Variants in WNT7A observed in about 807,000 individuals in gnomAD.
The protein encoded by WNT7A is Wnt family member 7A, also known as protein Wnt-7a.
In WNT7A, 16 loss-of-function variants were observed where a neutral mutation model predicts 28.2. The ratio of observed to expected loss-of-function variants is 0.57; its 90% confidence interval spans 0.38 to 0.86. The LOEUF (loss-of-function observed/expected upper bound fraction) is 0.86. Ranked by LOEUF, WNT7A falls within the 40% of genes least tolerant of loss-of-function variation. The pLI, the probability that WNT7A is intolerant of heterozygous loss-of-function variation, is 0.00. For missense variants in WNT7A, 411 were observed against 489.7 expected (o/e 0.84, Z 1.52); for synonymous variants, 190 against 195.9 (o/e 0.97, Z 0.25).
chr3:13,854,346 T>C (rs935047154), intron 3 of WNT7A, among the ~76,000 whole-genome samples, 186 bp downstream of exon 3: 2 of 152,140 alleles, frequency 1.3e-5, no homozygotes, highest in Non-Finnish European at 2.9e-5. Flanking sequence ...ACCTCTTCAG[T>C]AACTGACAAG....
intron 2 of WNT7A, among the ~76,000 whole-genome samples, chr3:13,861,643 C>T (rs545440509): frequency 1.2e-4 from 18 of 152,286 alleles, no homozygotes; most frequent in Middle Eastern, 3.4e-3. Flanking sequence ...TGAGTGATGG[C>T]CCTGGTGTGG....
intron 2 of WNT7A, among the ~76,000 whole-genome samples, chr3:13,857,405 C>G (rs1022198321): frequency 1.3e-5 from 2 of 152,144 alleles, no homozygotes; most frequent in Non-Finnish European, 2.9e-5. Context: ...AAACGGCAGA[C>G]AGACAGGAAA....
intron 3 of WNT7A, among the ~76,000 whole-genome samples, chr3:13,850,305 A>G (rs1238831557): frequency 6.6e-6 from 1 of 152,184 alleles, no homozygotes; most frequent in Admixed American, 6.5e-5. Flanking sequence ...TCGGGACAGC[A>G]GAGAGGAGCA....
chr3:13,865,677 C>G (rs1456328041), intron 2 of WNT7A, among the ~76,000 whole-genome samples: 4 of 152,172 alleles, frequency 2.6e-5, no homozygotes, highest in African/African-American at 9.7e-5. Flanking sequence ...TAAACAAGGC[C>G]AGGCCTGTCC....
At chr3:13,868,748 A>AGAAAGAAAGAAAGAAAGAAGAGAAAGAAG in intron 2 of WNT7A, among the ~76,000 whole-genome samples, 1 of 147,502 alleles carries the variant, frequency 6.8e-6, no homozygotes, top group African/African-American at 2.5e-5. Context: ...AGAGAAAGAA[A>AGAAAGAAAGAAAGAAAGAAGAGAAAGAAG]GAAAGGAGGG....
chr3:13,839,288 C>T (rs1350283429), intron 3 of WNT7A, among the ~76,000 whole-genome samples: 1 of 152,196 alleles, frequency 6.6e-6, no homozygotes, highest in African/African-American at 2.4e-5. Context: ...AGCTGCATTT[C>T]CACACATTCC....
chr3:13,863,718 G>A lies in WNT7A; in HGVS notation c.299-8915C>T, dbSNP rs571960569. 72 of 152,292 alleles carry A rather than the reference G, an allele frequency of 4.7e-4. 1 individual carries two copies. Among genetic ancestry groups the A allele is most frequent in the Admixed American group, 4.4e-3 (68 of 15,298 alleles). The allele number at this position is 152,292 out of a possible 1,614,324, so 9.4% of individuals were successfully genotyped here. A position where few individuals can be genotyped will look rare whatever the true frequency, so the allele number is the denominator to read the frequency against. On this transcript the variant is annotated intron_variant, in intron 2 of 3. Coordinates refer to ENST00000285018, the MANE Select transcript of WNT7A (RefSeq NM_004625.4). Reference sequence around the variant, plus strand: ...GTTAAGAAATGGCAGAGAGAAAATGGAGCTGGCCCGCCCCTTGCTTCTGTC... The same window carrying A: ...GTTAAGAAATGGCAGAGAGAAAATGAAGCTGGCCCGCCCCTTGCTTCTGTC...
Position 13,818,351 on chromosome 3 carries a change from C to CGAAAAAAAAAAAAAAAAAAAAAA in WNT7A, c.*592_*593insTTTTTTTTTTTTTTTTTTTTTTC, listed in dbSNP as rs575789769. 3.8e-5 allele frequency: 3 copies of CGAAAAAAAAAAAAAAAAAAAAAA among 79,956 alleles called. No homozygotes were observed. The highest frequency in any genetic ancestry group is 9.9e-4 in the East Asian group (2 of 2,016). 5.0% of individuals were successfully genotyped at this position (79,956 alleles called of 1,614,324 possible). On this transcript the variant is annotated 3_prime_UTR_variant, in exon 4 of 4. Transcript: ENST00000285018. ...TTTCTGGATAAGTAGCAGCAAACAG[C>CGAAAAAAAAAAAAAAAAAAAAAA]AAAAAAAAAAAAAAAAATGTGTGTG...
Position 13,816,664 on chromosome 3 carries a change from G to A in WNT7A, c.*2280C>T, listed in dbSNP as rs1028876893. ...CAAGAAACTGCTCACTTACCTATCT[G>A]TAGGTGTACCTACCTCATCAACCCA... On this transcript the variant is annotated 3_prime_UTR_variant, in exon 4 of 4. Transcript: ENST00000285018. 2.0e-5 allele frequency: 3 copies of A among 152,196 alleles called. No individual in the cohort carries two copies. The highest frequency in any genetic ancestry group is 7.3e-5 in the African/African-American group (3 of 41,356). The allele number at this position is 152,196 out of a possible 1,614,324, so 9.4% of individuals were successfully genotyped here. A position where few individuals can be genotyped will look rare whatever the true frequency, so the allele number is the denominator to read the frequency against.
At chr3:13,827,743 A>G (rs983203241) in intron 3 of WNT7A, among the ~76,000 whole-genome samples, 18 of 152,090 alleles carry the variant, frequency 1.2e-4, no homozygotes, top group Non-Finnish European at 2.1e-4. Flanking sequence ...CACCCTCCAT[A>G]GCATTCTGAG....
At chr3:13,831,542 G>A (rs1169051064) in intron 3 of WNT7A, among the ~76,000 whole-genome samples, 5 of 152,256 alleles carry the variant, frequency 3.3e-5, no homozygotes, top group South Asian at 2.1e-4. Context: ...GGACACTGTC[G>A]CATGCCACTG....
At chr3:13,846,202 A>T (rs137958054) in intron 3 of WNT7A, among the ~76,000 whole-genome samples, 1 of 152,346 alleles carries the variant, frequency 6.6e-6, no homozygotes, top group Non-Finnish European at 1.5e-5. Flanking sequence ...CCACAACCCA[A>T]ATGACCACAT....
At chr3:13,837,684 G>A (rs1694391888) in intron 3 of WNT7A, among the ~76,000 whole-genome samples, 4 of 152,162 alleles carry the variant, frequency 2.6e-5, no homozygotes, top group Admixed American at 2.6e-4. Context: ...AAGTCTCTGG[G>A]GCAGGGACAC....
intron 3 of WNT7A, among the ~76,000 whole-genome samples, chr3:13,835,378 G>A (rs1042838654): frequency 5.3e-5 from 8 of 152,232 alleles, no homozygotes; most frequent in African/African-American, 1.9e-4. Context: ...GAAACCAGAG[G>A]ACCACCCGCC....
chr3:13,826,489 C>T (rs964079930), intron 3 of WNT7A, among the ~76,000 whole-genome samples: 3 of 152,114 alleles, frequency 2.0e-5, no homozygotes, highest in African/African-American at 7.2e-5. Flanking sequence ...GGGAAACAGA[C>T]ACAGAGAACT....
intron 3 of WNT7A, among the ~76,000 whole-genome samples, chr3:13,832,031 T>C (rs1412932362): frequency 6.6e-6 from 1 of 151,922 alleles, no homozygotes; most frequent in Non-Finnish European, 1.5e-5. Context: ...CCAGGATAGG[T>C]GCTACAGGCT....
chr3:13,837,698 C>G (rs965648266), intron 3 of WNT7A, among the ~76,000 whole-genome samples: 3 of 152,276 alleles, frequency 2.0e-5, no homozygotes, highest in Non-Finnish European at 4.4e-5. Context: ...GGGACACAGG[C>G]GACGATGCTC....
At chr3:13,835,282 C>T (rs1178971542) in intron 3 of WNT7A, among the ~76,000 whole-genome samples, 1 of 152,190 alleles carries the variant, frequency 6.6e-6, no homozygotes, top group Non-Finnish European at 1.5e-5. Context: ...AGACTAGAGA[C>T]CTGAGCAGAA....
At chr3:13,852,579 C>T (rs1694656400) in intron 3 of WNT7A, among the ~76,000 whole-genome samples, 1 of 152,188 alleles carries the variant, frequency 6.6e-6, no homozygotes, top group Non-Finnish European at 1.5e-5. Context: ...GGGGCTGGAA[C>T]CCACAGCAGC....
Sources: gnomAD v4.1 joint callset for allele counts (sites outside exome capture counted in the v4.1 genomes callset) on GRCh38, gnomAD v4.1.1 for gene constraint, MANE v1.5 for transcripts, NCBI Gene and HGNC (gene_info 2026-07-23, HGNC 2026-07-21) for gene names.